The following BMPR2 variants were observed in gnomAD, a reference collection of about 807,000 sequenced individuals.
The protein encoded by BMPR2 is bone morphogenetic protein receptor type-2.
Under a neutral mutation model 100.8 loss-of-function variants are expected in BMPR2, and 29 were observed. The observed-to-expected ratio is 0.29, with a 90% CI of 0.21 to 0.39. The LOEUF (loss-of-function observed/expected upper bound fraction) is 0.39, where lower values mean the gene tolerates loss of function less well. BMPR2 is among the 10% of genes least tolerant of loss of function. The probability of loss-of-function intolerance (pLI) is 1.00; values close to 1 mark genes in which losing one functional copy is unlikely to be tolerated. For missense variants in BMPR2, 1,011 were observed against 1,274.5 expected, an observed-to-expected ratio of 0.79 and a Z score of 3.15; for synonymous variants, 382 against 442.3, an observed-to-expected ratio of 0.86 and a Z score of 1.71.
chr2:202,398,867 G>A (rs544484102), intron 1 of BMPR2, among the ~76,000 whole-genome samples: 11 of 152,302 alleles, frequency 7.2e-5, no homozygotes, highest in African/African-American at 2.4e-4. Flanking sequence ...GGTGGCTCAC[G>A]CCTGTAATCC....
intron 1 of BMPR2, among the ~76,000 whole-genome samples, chr2:202,459,534 A>G (rs745316243): frequency 9.9e-5 from 15 of 151,852 alleles, no homozygotes; most frequent in South Asian, 4.2e-4. Context: ...GTTCCCCTCT[A>G]TGTGTCCATG....
chr2:202,437,623 C>T (rs1197027359), intron 1 of BMPR2, among the ~76,000 whole-genome samples: 1 of 150,550 alleles, frequency 6.6e-6, no homozygotes, highest in Non-Finnish European at 1.5e-5. Context: ...TCTTCATTCA[C>T]TCCCTCCCCA....
chr2:202,494,395 T>C (rs1438515592), intron 3 of BMPR2, among the ~76,000 whole-genome samples: 9 of 152,190 alleles, frequency 5.9e-5, no homozygotes, highest in Non-Finnish European at 1.2e-4. Flanking sequence ...TGTTCTTTCT[T>C]TGACACAGAC....
At chr2:202,505,729 T>C (rs890824941) in intron 3 of BMPR2, among the ~76,000 whole-genome samples, 2 of 152,202 alleles carry the variant, frequency 1.3e-5, no homozygotes, top group Admixed American at 6.5e-5. Context: ...AGAAAAATTA[T>C]ATAATTTGTC....
intron 3 of BMPR2, among the ~76,000 whole-genome samples, chr2:202,477,006 T>A (rs911891185): frequency 2.0e-5 from 3 of 152,010 alleles, no homozygotes; most frequent in African/African-American, 7.2e-5. Context: ...ACTTGATTGT[T>A]TGGAATGTTA....
At chr2:202,494,801 A>G (rs1222268009) in intron 3 of BMPR2, among the ~76,000 whole-genome samples, 1 of 151,988 alleles carries the variant, frequency 6.6e-6, no homozygotes, top group Non-Finnish European at 1.5e-5. Flanking sequence ...GTGAATACAC[A>G]TATTGAAATA....
chr2:202,421,014 C>T (rs1203043825), intron 1 of BMPR2, among the ~76,000 whole-genome samples: 1 of 151,486 alleles, frequency 6.6e-6, no homozygotes, highest in Non-Finnish European at 1.5e-5. Context: ...CTTTGGGAGG[C>T]CGAGGCGGGT....
At chr2:202,553,700 G>A (rs1208809677) in intron 11 of BMPR2, among the ~76,000 whole-genome samples, 1 of 143,666 alleles carries the variant, frequency 7.0e-6, no homozygotes, top group Non-Finnish European at 1.5e-5. Flanking sequence ...TTGTTTGTTT[G>A]TTTTTGGAAA....
intron 2 of BMPR2, among the ~76,000 whole-genome samples, chr2:202,466,878 G>A (rs183424193): frequency 7.9e-5 from 12 of 152,190 alleles, no homozygotes; most frequent in South Asian, 4.2e-4. Flanking sequence ...GATTCTAGGC[G>A]TGAGCCACCG....
intron 5 of BMPR2, among the ~76,000 whole-genome samples, chr2:202,515,750 G>A (rs1047327047): frequency 6.6e-6 from 1 of 151,904 alleles, no homozygotes; most frequent in African/African-American, 2.4e-5. Context: ...TTAACTGGGA[G>A]TGGTGGCGCC....
intron 1 of BMPR2, among the ~76,000 whole-genome samples, chr2:202,422,455 C>T (rs1354051135): frequency 1.3e-5 from 2 of 149,042 alleles, no homozygotes; most frequent in Admixed American, 6.7e-5. Context: ...TACAGGTGTC[C>T]GCCACCATGC....
At chr2:202,481,504 G>A (rs1010677179) in intron 3 of BMPR2, among the ~76,000 whole-genome samples, 6 of 152,002 alleles carry the variant, frequency 3.9e-5, no homozygotes, top group African/African-American at 1.4e-4. Context: ...AGATTATTAT[G>A]GCTGTTTTGG....
intron 1 of BMPR2, among the ~76,000 whole-genome samples, chr2:202,442,863 C>T (rs1313184735): frequency 6.6e-6 from 1 of 150,618 alleles, no homozygotes; most frequent in Admixed American, 6.6e-5. Flanking sequence ...ATTTAAGTTG[C>T]TTCCACCTCT....
intron 1 of BMPR2, among the ~76,000 whole-genome samples, chr2:202,388,301 G>T (rs192016388): frequency 1.4e-5 from 2 of 145,042 alleles, no homozygotes; most frequent in African/African-American, 5.1e-5. Context: ...GGAGGCTGAG[G>T]TAGGACAATC....
chr2:202,531,676 G>C (rs1289945497), intron 8 of BMPR2, among the ~76,000 whole-genome samples: 3 of 152,050 alleles, frequency 2.0e-5, no homozygotes, highest in Non-Finnish European at 4.4e-5. Flanking sequence ...TTGTTGCCCA[G>C]GCTGGAGTGC....
chr2:202,544,358 T>A (rs879689282), intron 10 of BMPR2, among the ~76,000 whole-genome samples: 41 of 152,200 alleles, frequency 2.7e-4, no homozygotes, highest in Non-Finnish European at 5.6e-4. Flanking sequence ...AATCCTTGCA[T>A]GTTTAAAAAT....
intron 9 of BMPR2, among the ~76,000 whole-genome samples, chr2:202,534,132 CATT>C (rs1336434574): frequency 6.7e-6 from 1 of 150,334 alleles, no homozygotes; most frequent in South Asian, 2.1e-4. Context: ...GCTTTAAAGA[CATT>C]AGGCATTACA....
rs1366244773 is a variant in BMPR2, at chr2:202,376,907, G to A, written c.-568G>A. 1 of 437,802 alleles carries A rather than the reference G, an allele frequency of 2.3e-6. No homozygotes were observed. The highest frequency in any genetic ancestry group is 4.0e-6 in the Non-Finnish European group (1 of 250,350). 27.1% of individuals were successfully genotyped at this position (437,802 alleles called of 1,614,324 possible). On this transcript the variant is annotated 5_prime_UTR_variant, in exon 1 of 13. Transcript: ENST00000374580. The stretch of plus-strand genomic sequence containing the variant: ...CCTTTTTTGATCCAGTCAAGGAAGA[G>A]GATTTGTTGTTTTCGAAATCAGAGT...
chr2:202,442,193 T>C (rs1691760827), intron 1 of BMPR2, among the ~76,000 whole-genome samples: 1 of 150,570 alleles, frequency 6.6e-6, no homozygotes, highest in Admixed American at 6.6e-5. Context: ...TTTTACTTTA[T>C]AGCTTGTATG....
Sources: allele counts gnomAD v4.1 joint callset (sites outside exome capture counted in the v4.1 genomes callset), GRCh38; gene constraint gnomAD v4.1.1; transcripts MANE v1.5; gene names NCBI Gene and HGNC (gene_info 2026-07-23, HGNC 2026-07-21).